CDH19: variants seen among roughly 807,000 people sequenced by gnomAD.
CDH19 encodes cadherin-19.
CDH19 carries 67 observed loss-of-function variants against 64.2 expected under a neutral mutation model. The ratio of observed to expected loss-of-function variants is 1.04; its 90% CI spans 0.86 to 1.28. The LOEUF (loss-of-function observed/expected upper bound fraction) is 1.28. Among genes scored for constraint, CDH19 ranks in the 50% most tolerant of loss-of-function variants. The pLI is 0.00. For missense variants in CDH19, 1,030 were observed against 929.0 expected, an observed-to-expected ratio of 1.11 and a Z score of -1.41; for synonymous variants, 346 against 319.3, an observed-to-expected ratio of 1.08 and a Z score of -0.89.
chr18:66,541,312 G>A (rs1986877364), intron 7 of CDH19, among the ~76,000 whole-genome samples: 1 of 151,834 alleles, frequency 6.6e-6, no homozygotes, highest in South Asian at 2.1e-4. Flanking sequence ...CCACAACAAT[G>A]AGACATCCCT....
intron 9 of CDH19, among the ~76,000 whole-genome samples, chr18:66,524,542 G>GTGTATATA (rs74173408): frequency 8.5e-5 from 8 of 94,574 alleles, no homozygotes; most frequent in South Asian, 4.7e-4. Context: ...ATGTTTGTGT[G>GTGTATATA]TATATATATA....
intron 7 of CDH19, among the ~76,000 whole-genome samples, chr18:66,539,488 T>G (rs1344826474): frequency 3.3e-5 from 5 of 152,214 alleles, no homozygotes; most frequent in Admixed American, 3.3e-4. Context: ...TAAGTTAATT[T>G]TGAATATTGT....
chr18:66,539,735 G>C (rs114638002), intron 7 of CDH19, among the ~76,000 whole-genome samples: 1 of 151,898 alleles, frequency 6.6e-6, no homozygotes, highest in Non-Finnish European at 1.5e-5. Context: ...TGCTTGTTAC[G>C]TATGGTAGGA....
At chr18:66,600,624 G>T in intron 1 of CDH19, among the ~76,000 whole-genome samples, 2 of 151,908 alleles carry the variant, frequency 1.3e-5, no homozygotes, top group Middle Eastern at 6.8e-3. Flanking sequence ...AATCCATATT[G>T]TATAAAATGA....
In CDH19 at chr18:66,502,449, T is replaced by G. The variant is rs1984986665; in HGVS notation, c.*2363A>C. On this transcript the variant is annotated 3_prime_UTR_variant, in exon 12 of 12. Coordinates refer to ENST00000262150, the MANE Select transcript of CDH19 (RefSeq NM_021153.4). ...TGTTTATCCAAATGTATTCATTGTTTATAAGGCTTTTATTCATACAAAATT... is the reference window on the plus strand; with the variant it reads ...TGTTTATCCAAATGTATTCATTGTTGATAAGGCTTTTATTCATACAAAATT... 6.6e-6 allele frequency: 1 copy of G among 152,056 alleles called. No individual in the cohort carries two copies. Among genetic ancestry groups the G allele is most frequent in the Admixed American group, 6.6e-5 (1 of 15,244 alleles). The allele number at this position is 152,056 out of a possible 1,614,324, so 9.4% of individuals were successfully genotyped here.
chr18:66,521,916 CTGTTGT>C (rs201747306), intron 9 of CDH19, among the ~76,000 whole-genome samples: 1,178 of 111,472 alleles, frequency 0.011, 14 homozygotes, highest in African/African-American at 0.019. Context: ...GTTACTTGTT[CTGTTGT>C]TGTTGTTGTT....
At chr18:66,521,680 C>A (rs1186354628) in intron 9 of CDH19, among the ~76,000 whole-genome samples, 1 of 151,068 alleles carries the variant, frequency 6.6e-6, no homozygotes, top group Non-Finnish European at 1.5e-5. Context: ...GTTCTACAGG[C>A]ATTAATCACC....
chr18:66,511,440 T>G (rs1985479272), intron 10 of CDH19, 128 bp downstream of exon 10: 1 of 552,256 alleles, frequency 1.8e-6, no homozygotes, highest in South Asian at 2.4e-5. Context: ...TAATTGTTAC[T>G]CTTTTGCTTG....
chr18:66,504,753 G>C lies in CDH19; in HGVS notation c.*59C>G, dbSNP rs1985097466. 1 of 1,509,794 alleles carries C rather than the reference G, an allele frequency of 6.6e-7. No individual in the cohort carries two copies. 93.5% of individuals were successfully genotyped at this position (1,509,794 alleles called of 1,614,324 possible). Reference sequence around the variant, plus strand: ...AGAGCCAGGGCACAAAACTCTTTAAGACTACCATTGGGTTCGAATACACAT... The same window carrying C: ...AGAGCCAGGGCACAAAACTCTTTAACACTACCATTGGGTTCGAATACACAT... On this transcript the variant is annotated 3_prime_UTR_variant, in exon 12 of 12. Transcript: ENST00000262150.
intron 7 of CDH19, among the ~76,000 whole-genome samples, chr18:66,536,619 G>T (rs560963995): frequency 7.3e-5 from 11 of 151,642 alleles, no homozygotes; most frequent in Non-Finnish European, 1.5e-4. Context: ...CAATAAATTG[G>T]TTCAGTTCCC....
intron 1 of CDH19, among the ~76,000 whole-genome samples, chr18:66,583,960 A>G (rs1438044569): frequency 6.6e-6 from 1 of 152,136 alleles, no homozygotes; most frequent in African/African-American, 2.4e-5. Flanking sequence ...TTTATGACAA[A>G]GACACCAAAA....
intron 9 of CDH19, among the ~76,000 whole-genome samples, chr18:66,514,508 A>G (rs1419030511): frequency 2.0e-5 from 3 of 151,396 alleles, no homozygotes; most frequent in African/African-American, 7.2e-5. Flanking sequence ...AAAAAGTGTG[A>G]TCCCAAGCAA....
intron 9 of CDH19, among the ~76,000 whole-genome samples, chr18:66,527,069 G>A (rs1986251214): frequency 1.4e-5 from 2 of 143,878 alleles, no homozygotes; most frequent in African/African-American, 5.1e-5. Flanking sequence ...GTGTGTGTGT[G>A]TATGTATGTA....
rs555149960 is a variant in CDH19, at chr18:66,527,741, C to A, written c.1458+2104G>T. ...TTCACTCCAGCCTGGGCAACGAGAG[C>A]AAAGCTCCATCTATATATATATATA... On this transcript the variant is annotated intron_variant, in intron 9 of 11. Coordinates refer to ENST00000262150, the MANE Select transcript of CDH19 (RefSeq NM_021153.4). Among the ~76,000 whole-genome samples, 15 of 145,858 alleles carry A rather than the reference C, an allele frequency of 1.0e-4. No homozygotes were observed. In the South Asian group the frequency reaches 3.6e-3, roughly 35 times the overall value.
At chr18:66,593,022 A>C (rs1338857392) in intron 1 of CDH19, among the ~76,000 whole-genome samples, 1 of 151,862 alleles carries the variant, frequency 6.6e-6, no homozygotes, top group Non-Finnish European at 1.5e-5. Context: ...CCTTCTCAGC[A>C]ACAATGAAGG....
At chr18:66,547,006 AG>A (rs765134966) in intron 5 of CDH19, among the ~76,000 whole-genome samples, 8 of 152,194 alleles carry the variant, frequency 5.3e-5, no homozygotes, top group Admixed American at 1.3e-4. Context: ...TCTGTGAGGG[AG>A]ATGGGAAGAC....
chr18:66,531,784 A>G (rs1463573304), intron 8 of CDH19, among the ~76,000 whole-genome samples: 2 of 152,188 alleles, frequency 1.3e-5, no homozygotes, highest in Middle Eastern at 3.2e-3. Context: ...TGTTGTTAAG[A>G]TTAAACATAT....
At chr18:66,512,077 T>A (rs952348157) in intron 9 of CDH19, among the ~76,000 whole-genome samples, 2 of 151,578 alleles carry the variant, frequency 1.3e-5, no homozygotes, top group East Asian at 1.9e-4. Flanking sequence ...GTTGTCTATT[T>A]CCTGTTTTTA....
At chr18:66,542,508 A>G (rs1986927318) in intron 7 of CDH19, among the ~76,000 whole-genome samples, 1 of 152,198 alleles carries the variant, frequency 6.6e-6, no homozygotes, top group South Asian at 2.1e-4. Context: ...AAAATATAAA[A>G]CAAAAGCAAA....
Sources: allele counts gnomAD v4.1 joint callset (sites outside exome capture counted in the v4.1 genomes callset), GRCh38; gene constraint gnomAD v4.1.1; transcripts MANE v1.5; gene names NCBI Gene and HGNC (gene_info 2026-07-23, HGNC 2026-07-21).